ATG7: variants seen among roughly 807,000 people sequenced by gnomAD.
ATG7 encodes ubiquitin-like modifier-activating enzyme ATG7.
Under a neutral mutation model 82.4 loss-of-function variants are expected in ATG7, and 70 were observed. That is an observed-to-expected ratio of 0.85 (90% CI 0.70 to 1.04). The LOEUF (loss-of-function observed/expected upper bound fraction) is 1.04, where lower values mean the gene tolerates loss of function less well. Ranked by LOEUF, ATG7 falls within the 50% of genes least tolerant of loss-of-function variation. The probability of loss-of-function intolerance (pLI) is 0.00; values close to 1 mark genes in which losing one functional copy is unlikely to be tolerated. For synonymous variants in ATG7, 287 were observed against 313.0 expected (o/e 0.92, Z 0.88); for missense variants, 792 against 864.3 (o/e 0.92, Z 1.05).
chr3:11,517,099 A>G (rs2092304166), intron 20 of ATG7, among the ~76,000 whole-genome samples: 2 of 152,074 alleles, frequency 1.3e-5, no homozygotes, highest in African/African-American at 4.8e-5. Context: ...CAAACATATT[A>G]CTAAGTGAAA....
At chr3:11,542,590 G>A (rs2070922917) in intron 20 of ATG7, among the ~76,000 whole-genome samples, 1 of 152,212 alleles carries the variant, frequency 6.6e-6, no homozygotes. Context: ...GGAGACACCA[G>A]TATCCCCACT....
intron 20 of ATG7, among the ~76,000 whole-genome samples, chr3:11,508,426 C>G (rs564505498): frequency 6.6e-6 from 1 of 151,760 alleles, no homozygotes; most frequent in Admixed American, 6.6e-5. Flanking sequence ...GGGCCACATG[C>G]GTTAGACAAG....
At chr3:11,450,724 A>G (rs777517234) in intron 20 of ATG7, among the ~76,000 whole-genome samples, 2 of 152,144 alleles carry the variant, frequency 1.3e-5, no homozygotes, top group Non-Finnish European at 2.9e-5. Context: ...CCTCTTTCCA[A>G]GCTGCACATG....
chr3:11,431,293 C>G (rs113537871), intron 20 of ATG7, among the ~76,000 whole-genome samples: 1 of 152,096 alleles, frequency 6.6e-6, no homozygotes, highest in South Asian at 2.1e-4. Flanking sequence ...CCCAGCTACT[C>G]GGGAGGCTGA....
At chr3:11,443,539 A>G (rs1008109766) in intron 20 of ATG7, among the ~76,000 whole-genome samples, 2 of 152,078 alleles carry the variant, frequency 1.3e-5, no homozygotes, top group African/African-American at 4.8e-5. Flanking sequence ...GGCATGTGTC[A>G]CTATGTCTGG....
chr3:11,524,908 A>T (rs909094478), intron 20 of ATG7, among the ~76,000 whole-genome samples: 3 of 152,202 alleles, frequency 2.0e-5, no homozygotes, highest in African/African-American at 7.2e-5. Flanking sequence ...CATGACCCTA[A>T]ATCAGCAGCA....
intron 20 of ATG7, among the ~76,000 whole-genome samples, chr3:11,521,077 G>C (rs1236530533): frequency 6.6e-6 from 1 of 152,122 alleles, no homozygotes. Flanking sequence ...CATGATATGG[G>C]GAACATGGTA....
intron 20 of ATG7, among the ~76,000 whole-genome samples, chr3:11,508,765 T>C (rs933503384): frequency 6.6e-6 from 1 of 152,218 alleles, no homozygotes; most frequent in African/African-American, 2.4e-5. Flanking sequence ...GTAGCCTATT[T>C]TGAACTAATA....
intron 5 of ATG7, among the ~76,000 whole-genome samples, chr3:11,306,485 C>T (rs1226446463): frequency 2.6e-5 from 4 of 152,084 alleles, no homozygotes; most frequent in Middle Eastern, 3.2e-3. Context: ...TGAGAGGTGG[C>T]GTAGGCACAG....
At chr3:11,368,792 G>C (rs886606574) in intron 18 of ATG7, among the ~76,000 whole-genome samples, 3 of 150,026 alleles carry the variant, frequency 2.0e-5, no homozygotes, top group Admixed American at 6.7e-5. Flanking sequence ...CAAACACCAA[G>C]GTAATTGATG....
intron 20 of ATG7, among the ~76,000 whole-genome samples, chr3:11,497,392 T>TATATATA (rs1422914065): frequency 2.0e-3 from 255 of 126,996 alleles, no homozygotes; most frequent in East Asian, 4.2e-3. Context: ...TATATATATA[T>TATATATA]TTAGCCAGGC....
At chr3:11,455,921 A>G (rs1452426134) in intron 20 of ATG7, among the ~76,000 whole-genome samples, 3 of 152,168 alleles carry the variant, frequency 2.0e-5, no homozygotes, top group Non-Finnish European at 2.9e-5. Context: ...GAAATTCTGT[A>G]TCCCTTCTTT....
At chr3:11,360,548 T>A (rs764324159) in intron 15 of ATG7, 33 bp from the exon 16 acceptor site, 3 of 1,596,046 alleles carry the variant, frequency 1.9e-6, no homozygotes, top group Non-Finnish European at 2.6e-6. Flanking sequence ...ATGTGTCTTT[T>A]AACTCTGCTC....
the ATG7 span, among the ~76,000 whole-genome samples, chr3:11,574,642 A>G: frequency 3.3e-5 from 5 of 152,160 alleles, no homozygotes; most frequent in African/African-American, 1.2e-4. Context: ...AACAACATCC[A>G]TATATTGGAT....
intron 18 of ATG7, among the ~76,000 whole-genome samples, chr3:11,375,652 C>T (rs62245864): frequency 0.18 from 28,009 of 152,166 alleles, 3,121 homozygotes; most frequent in South Asian, 0.35. Context: ...CTCTGCCTTC[C>T]GGTTTCAAGC....
intron 20 of ATG7, among the ~76,000 whole-genome samples, chr3:11,480,683 C>T (rs1304378036): frequency 6.6e-6 from 1 of 152,228 alleles, no homozygotes; most frequent in Non-Finnish European, 1.5e-5. Flanking sequence ...ATGCAGAAGA[C>T]TTCTTTGAAA....
chr3:11,437,604 C>G (rs1295075049), intron 20 of ATG7, among the ~76,000 whole-genome samples: 4 of 151,996 alleles, frequency 2.6e-5, no homozygotes, highest in Non-Finnish European at 5.9e-5. Flanking sequence ...TTGAAAATTC[C>G]CAAATATACC....
intron 19 of ATG7, among the ~76,000 whole-genome samples, chr3:11,399,492 G>A (rs947891161): frequency 6.6e-5 from 10 of 152,102 alleles, no homozygotes; most frequent in African/African-American, 1.4e-4. Context: ...TATATAAGTC[G>A]CTGGTTTTAA....
intron 20 of ATG7, among the ~76,000 whole-genome samples, chr3:11,466,685 T>C (rs1284229789): frequency 6.6e-6 from 1 of 152,176 alleles, no homozygotes; most frequent in Non-Finnish European, 1.5e-5. Flanking sequence ...TCTCAGAGGG[T>C]TGTATGAAGG....
Sources: allele counts gnomAD v4.1 joint callset (sites outside exome capture counted in the v4.1 genomes callset), GRCh38; gene constraint gnomAD v4.1.1; transcripts MANE v1.5; gene names NCBI Gene and HGNC (gene_info 2026-07-23, HGNC 2026-07-21).